Variants in MROH9 observed in about 807,000 individuals in gnomAD.
MROH9 encodes maestro heat like repeat family member 9.
Under a neutral mutation model 98.2 loss-of-function variants are expected in MROH9, and 92 were observed. That is an observed-to-expected ratio of 0.94 (90% confidence interval 0.79 to 1.11). The LOEUF (loss-of-function observed/expected upper bound fraction) is 1.11. Ranked by LOEUF, MROH9 falls within the 50% of genes most tolerant of loss-of-function variation. The pLI, the probability that MROH9 is intolerant of heterozygous loss-of-function variation, is 0.00. For missense variants in MROH9, 1,057 were observed against 1,014.8 expected (o/e 1.04, Z -0.57); for synonymous variants, 397 against 368.9 (o/e 1.08, Z -0.87).
chr1:170,973,836 C>T (rs777197360), intron 8 of MROH9, among the ~76,000 whole-genome samples: 45 of 152,302 alleles, frequency 3.0e-4, no homozygotes, highest in Non-Finnish European at 5.4e-4. Flanking sequence ...TATCGTGCCA[C>T]TGTACTCCAG....
chr1:170,947,594 A>G (rs1450735732), intron 3 of MROH9, 21 bp downstream of exon 3: 1 of 1,594,860 alleles, frequency 6.3e-7, no homozygotes, highest in Non-Finnish European at 8.6e-7. Flanking sequence ...TTCTATAAGG[A>G]TATCAACGTA....
At chr1:170,998,430 G>A (rs941271668) in intron 15 of MROH9, 156 bp downstream of exon 15, 1 of 1,590,080 alleles carries the variant, frequency 6.3e-7, no homozygotes. Flanking sequence ...GGGGAGAGGT[G>A]TGGAGTTAGA....
chr1:171,001,843 A>T (rs749589533), intron 15 of MROH9, among the ~76,000 whole-genome samples: 15 of 152,102 alleles, frequency 9.9e-5, no homozygotes, highest in Non-Finnish European at 7.4e-5. Flanking sequence ...TGGAGTATGA[A>T]GTCCCCCACT....
chr1:170,972,159 C>G (rs1650484236), intron 8 of MROH9, among the ~76,000 whole-genome samples: 1 of 152,008 alleles, frequency 6.6e-6, no homozygotes, highest in South Asian at 2.1e-4. Flanking sequence ...CCAGGGAGGA[C>G]AGAGAAGGAG....
intron 6 of MROH9, among the ~76,000 whole-genome samples, chr1:170,964,147 A>G (rs61815977): frequency 0.08 from 12,124 of 152,082 alleles, 616 homozygotes; most frequent in Non-Finnish European, 0.11. Context: ...TTCCATGAGG[A>G]GGTTACTATT....
chr1:171,050,200 T>G (rs1291212495), intron 20 of MROH9, among the ~76,000 whole-genome samples: 1 of 152,206 alleles, frequency 6.6e-6, no homozygotes, highest in African/African-American at 2.4e-5. Flanking sequence ...CTAAATTTCT[T>G]TACCCAAGCC....
chr1:170,990,455 C>T (rs1651315256), intron 11 of MROH9, among the ~76,000 whole-genome samples: 1 of 152,120 alleles, frequency 6.6e-6, no homozygotes, highest in African/African-American at 2.4e-5. Flanking sequence ...ATTGGGAGTC[C>T]TGTGTCCTTT....
chr1:171,035,240 G>T (rs770860148), intron 20 of MROH9, among the ~76,000 whole-genome samples: 1 of 150,562 alleles, frequency 6.6e-6, no homozygotes, highest in Non-Finnish European at 1.5e-5. Context: ...CTTAGAAAAA[G>T]ACAAAAAATC....
At chr1:170,965,050 G>A (rs560632687) in intron 6 of MROH9, 101 bp from the exon 7 acceptor site, 150 of 699,758 alleles carry the variant, frequency 2.1e-4, no homozygotes, top group South Asian at 1.5e-3. Flanking sequence ...ATAACCAGGA[G>A]AATGTAGGAA....
intron 15 of MROH9, among the ~76,000 whole-genome samples, chr1:171,006,362 T>TA (rs1334621014): frequency 6.6e-6 from 1 of 152,216 alleles, no homozygotes; most frequent in Non-Finnish European, 1.5e-5. Flanking sequence ...CTCTTTTTTT[T>TA]ACTTTTAATA....
chr1:171,050,179 T>C (rs962090725), intron 20 of MROH9, among the ~76,000 whole-genome samples: 4 of 152,204 alleles, frequency 2.6e-5, no homozygotes, highest in African/African-American at 9.6e-5. Flanking sequence ...GTGTTTTCTT[T>C]TGAAGACTTA....
intron 8 of MROH9, among the ~76,000 whole-genome samples, chr1:170,973,887 G>C (rs55939717): frequency 0.12 from 17,879 of 152,132 alleles, 1,120 homozygotes; most frequent in South Asian, 0.15. Context: ...AGAATGAGTA[G>C]AGTGTGACAT....
intron 7 of MROH9, among the ~76,000 whole-genome samples, 158 bp from the exon 8 acceptor site, chr1:170,971,590 G>A (rs1211127391): frequency 6.6e-6 from 1 of 152,212 alleles, no homozygotes; most frequent in Non-Finnish European, 1.5e-5. Flanking sequence ...TGAGGAAATT[G>A]AGAGTCAGTA....
chr1:171,010,905 C>G (rs1340968453), intron 15 of MROH9, among the ~76,000 whole-genome samples: 2 of 152,152 alleles, frequency 1.3e-5, no homozygotes, highest in African/African-American at 2.4e-5. Flanking sequence ...CCTGTTCACT[C>G]TGATGATAGT....
intron 17 of MROH9, among the ~76,000 whole-genome samples, chr1:171,019,533 T>C (rs1652438066): frequency 6.6e-6 from 1 of 151,814 alleles, no homozygotes; most frequent in African/African-American, 2.4e-5. Context: ...ATGCCTGTAA[T>C]CCCAGCTACT....
At chr1:171,058,487 G>GAA (rs60323671) in intron 20 of MROH9, among the ~76,000 whole-genome samples, 1 of 150,120 alleles carries the variant, frequency 6.7e-6, no homozygotes, top group Non-Finnish European at 1.5e-5. Flanking sequence ...CATAAAATTA[G>GAA]AAAAAAAAAC....
Position 170,946,525 on chromosome 1 carries a change from T to C in MROH9, c.25+944T>C, listed in dbSNP as rs187584364. ...AAAGTCTGAATTTTAGTTAATGTAA[T>C]TGTAATAATGTTAATTTCTTAGTTT... On this transcript the variant is annotated intron_variant, in intron 2 of 21. Coordinates refer to ENST00000367759, the MANE Select transcript of MROH9 (RefSeq NM_001163629.2). Among the ~76,000 whole-genome samples the C allele has an allele frequency of 3.4e-3, 517 of 152,104 alleles. 2 individuals carry two copies. The highest frequency in any genetic ancestry group is 0.011 in the African/African-American group (452 of 41,534).
At chr1:170,941,499 A>T (rs1270024512) in intron 1 of MROH9, among the ~76,000 whole-genome samples, 1 of 152,152 alleles carries the variant, frequency 6.6e-6, no homozygotes, top group African/African-American at 2.4e-5. Context: ...TTTAACTTCT[A>T]GGAACACCAT....
At chr1:171,012,926 C>T (rs979365268) in intron 15 of MROH9, among the ~76,000 whole-genome samples, 3 of 152,080 alleles carry the variant, frequency 2.0e-5, no homozygotes, top group African/African-American at 7.2e-5. Context: ...ACTAAACTTC[C>T]TCAAACTGGC....
Sources: allele counts gnomAD v4.1 joint callset (sites outside exome capture counted in the v4.1 genomes callset), GRCh38; gene constraint gnomAD v4.1.1; transcripts MANE v1.5; gene names NCBI Gene and HGNC (gene_info 2026-07-23, HGNC 2026-07-21).